COL6A5: variants seen among roughly 807,000 people sequenced by gnomAD.
COL6A5 encodes the protein collagen type VI alpha 5 chain.
COL6A5 carries 48 observed loss-of-function variants against 65.6 expected under a neutral mutation model. The ratio of observed to expected loss-of-function variants is 0.73; its 90% CI spans 0.58 to 0.93. The LOEUF is 0.93. COL6A5 is among the 40% of genes least tolerant of loss of function. COL6A5 has a pLI of 0.00. For synonymous variants in COL6A5, 291 were observed against 322.8 expected (o/e 0.90, Z 1.05); for missense variants, 914 against 928.3 (o/e 0.98, Z 0.20).
chr3:130,360,469 A>T (rs1272187676), intron 1 of COL6A5, among the ~76,000 whole-genome samples: 2 of 152,132 alleles, frequency 1.3e-5, no homozygotes, highest in Non-Finnish European at 2.9e-5. Flanking sequence ...AATGTAGATT[A>T]TGATTCATTT....
intron 14 of COL6A5, 77 bp from the exon 15 acceptor site, chr3:130,405,916 A>T: frequency 7.3e-7 from 1 of 1,371,754 alleles, no homozygotes; most frequent in Non-Finnish European, 1.0e-6. Context: ...ATACATGCTC[A>T]CTCACTTTAG....
chr3:130,408,489 G>A (rs900222218), intron 17 of COL6A5, among the ~76,000 whole-genome samples: 1 of 152,150 alleles, frequency 6.6e-6, no homozygotes, highest in African/African-American at 2.4e-5. Flanking sequence ...GACAATGTGT[G>A]CCCAGCAGGA....
Position 130,472,485 on chromosome 3 carries a change from G to A in COL6A5, c.2328+1518G>A, listed in dbSNP as rs184229142. ...AAAGCAAAACAGGAGATGGACAGCC[G>A]GAAGCTATTGGCTCTAGGGCAGCGA... On this transcript the variant is annotated intron_variant, in intron 7 of 7. Coordinates refer to ENST00000512836, the Ensembl canonical transcript of COL6A5. 5.0e-4 allele frequency among the ~76,000 whole-genome samples: 76 copies of A among 152,036 alleles called. 1 individual carries two copies. The highest frequency in any genetic ancestry group is 8.7e-4 in the African/African-American group (36 of 41,510).
At chr3:130,479,919 C>T (rs988729075) in intron 7 of COL6A5, among the ~76,000 whole-genome samples, 3 of 151,980 alleles carry the variant, frequency 2.0e-5, no homozygotes, top group Non-Finnish European at 4.4e-5. Context: ...CAATATTTCC[C>T]AGAAATTAGA....
chr3:130,401,699 A>T, intron 11 of COL6A5, 63 bp from the exon 12 acceptor site: 1 of 1,235,302 alleles, frequency 8.1e-7, no homozygotes, highest in Non-Finnish European at 1.2e-6. Context: ...GTATGAGTAC[A>T]ATTCTTATGG....
At chr3:130,386,873 G>A (rs1936207214) in intron 5 of COL6A5, among the ~76,000 whole-genome samples, 1 of 152,066 alleles carries the variant, frequency 6.6e-6, no homozygotes, top group South Asian at 2.1e-4. Flanking sequence ...AGGAGCCAAA[G>A]CTTGTGGAGC....
intron 7 of COL6A5, among the ~76,000 whole-genome samples, chr3:130,474,872 A>G (rs1219213738): frequency 6.6e-6 from 1 of 151,796 alleles, no homozygotes; most frequent in Non-Finnish European, 1.5e-5. Flanking sequence ...ATGTGGTGTC[A>G]TTCACTTGTA....
chr3:130,359,583 T>TGGTG (rs1319710361), intron 1 of COL6A5, among the ~76,000 whole-genome samples: 2 of 152,072 alleles, frequency 1.3e-5, no homozygotes, highest in Non-Finnish European at 2.9e-5. Flanking sequence ...TATTTTATTA[T>TGGTG]GGTAAGAGAA....
At chr3:130,458,145 A>T (rs1005325046) in intron 5 of COL6A5, among the ~76,000 whole-genome samples, 54 of 152,076 alleles carry the variant, frequency 3.6e-4, no homozygotes, top group African/African-American at 1.3e-3. Flanking sequence ...TCTTCTCCCC[A>T]TCTGCTCTGG....
chr3:130,388,754 A>G, exon 6 of COL6A5: 1 of 1,551,416 alleles, frequency 6.4e-7, no homozygotes, highest in Non-Finnish European at 8.7e-7. Context: ...ACTAAGGAAG[A>G]GTTCCAGCTT....
intron 5 of COL6A5, among the ~76,000 whole-genome samples, chr3:130,458,388 A>G (rs1316980783): frequency 1.3e-5 from 2 of 152,098 alleles, no homozygotes; most frequent in Non-Finnish European, 2.9e-5. Flanking sequence ...GAGATCAACT[A>G]TGTCAGTGGT....
chr3:130,431,545 A>C, exon 1 of COL6A5: 1 of 1,551,630 alleles, frequency 6.4e-7, no homozygotes, highest in Non-Finnish European at 8.7e-7. Flanking sequence ...CTTTAATAAA[A>C]CACGGGACAT....
intron 1 of COL6A5, among the ~76,000 whole-genome samples, chr3:130,353,758 T>C (rs1354939939): frequency 6.6e-6 from 1 of 151,270 alleles, no homozygotes; most frequent in African/African-American, 2.4e-5. Context: ...AAAATAAATA[T>C]AAAACATTTA....
intron 19 of COL6A5, 141 bp downstream of exon 19, chr3:130,410,215 A>T (rs1937131668): frequency 1.4e-6 from 1 of 699,580 alleles, no homozygotes; most frequent in African/African-American, 1.8e-5. Context: ...GATGATGCAT[A>T]TTTGTAGTAG....
intron 17 of COL6A5, among the ~76,000 whole-genome samples, chr3:130,408,978 C>T (rs1056199789): frequency 6.6e-6 from 1 of 152,150 alleles, no homozygotes; most frequent in Non-Finnish European, 1.5e-5. Flanking sequence ...AAATTCTGCT[C>T]TTTAGTGGCA....
intron 1 of COL6A5, among the ~76,000 whole-genome samples, chr3:130,361,105 A>G (rs937789746): frequency 1.3e-5 from 2 of 152,052 alleles, no homozygotes; most frequent in Non-Finnish European, 2.9e-5. Flanking sequence ...TTATCATCCA[A>G]AGTCCAAAGT....
chr3:130,361,865 G>C (rs1001450645), intron 1 of COL6A5, among the ~76,000 whole-genome samples: 1 of 152,036 alleles, frequency 6.6e-6, no homozygotes, highest in African/African-American at 2.4e-5. Context: ...TTAGCCATCT[G>C]CATGTCTTCT....
At chr3:130,413,832 C>T (rs2403345) in intron 21 of COL6A5, among the ~76,000 whole-genome samples, 91,801 of 151,054 alleles carry the variant, frequency 0.61, 30,550 homozygotes, top group Non-Finnish European at 0.75. Flanking sequence ...GTGCATTTGA[C>T]TGCTCTTCAT....
intron 17 of COL6A5, among the ~76,000 whole-genome samples, chr3:130,408,759 T>C (rs1430959868): frequency 6.6e-6 from 1 of 152,150 alleles, no homozygotes; most frequent in Non-Finnish European, 1.5e-5. Context: ...TCTTTCCCTT[T>C]ATTTCTTAGA....
Sources: gnomAD v4.1 joint callset for allele counts (sites outside exome capture counted in the v4.1 genomes callset) on GRCh38, gnomAD v4.1.1 for gene constraint, MANE v1.5 for transcripts, NCBI Gene and HGNC (gene_info 2026-07-23, HGNC 2026-07-21) for gene names.